INSYN2A: variants seen among roughly 807,000 people sequenced by gnomAD.
INSYN2A encodes the protein inhibitory synaptic factor 2A.
A neutral mutation model predicts 39.4 loss-of-function variants in INSYN2A; 17 were observed. The observed-to-expected ratio is 0.43, with a 90% confidence interval of 0.30 to 0.65. The LOEUF is 0.65. INSYN2A is among the 30% of genes least tolerant of loss of function. The pLI is 0.14. For synonymous variants in INSYN2A, 255 were observed against 265.7 expected, an observed-to-expected ratio of 0.96 and a Z score of 0.39; for missense variants, 595 against 631.2, an observed-to-expected ratio of 0.94 and a Z score of 0.61.
chr10:127,148,759 G>A (rs1369100749), intron 5 of INSYN2A, among the ~76,000 whole-genome samples: 4 of 152,066 alleles, frequency 2.6e-5, no homozygotes, highest in Non-Finnish European at 5.9e-5. Flanking sequence ...AAATAATTAC[G>A]GCATATTTTG....
chr10:127,155,419 A>G (rs2052944992), intron 4 of INSYN2A, among the ~76,000 whole-genome samples: 1 of 152,052 alleles, frequency 6.6e-6, no homozygotes, highest in Non-Finnish European at 1.5e-5. Flanking sequence ...GATTCATCAT[A>G]TTTCAGCCAG....
chr10:127,184,296 C>T (rs1335184527), intron 2 of INSYN2A, among the ~76,000 whole-genome samples: 5 of 151,834 alleles, frequency 3.3e-5, no homozygotes, highest in Non-Finnish European at 7.3e-5. Context: ...GTGCTGCCAA[C>T]GGCTTGCTCA....
rs1194597511 is a variant in INSYN2A, at chr10:127,137,328, A to G, written c.*509T>C. On this transcript the variant is annotated 3_prime_UTR_variant, in exon 6 of 6. Transcript: ENST00000522781. Reference sequence around the variant, plus strand: ...TCATGGTCTCCGACCACTTGAAAAAATTGTGCTTTCTCCGGAATTTGATGT... The same window carrying G: ...TCATGGTCTCCGACCACTTGAAAAAGTTGTGCTTTCTCCGGAATTTGATGT... The G allele has an allele frequency of 3.9e-5, 6 of 153,160 alleles. No individual in the cohort carries two copies. The highest frequency in any genetic ancestry group is 1.4e-4 in the African/African-American group (6 of 41,464). The allele number at this position is 153,160 out of a possible 1,614,324, so 9.5% of individuals were successfully genotyped here.
chr10:127,154,898 G>T (rs11591276), intron 4 of INSYN2A, among the ~76,000 whole-genome samples: 1 of 152,066 alleles, frequency 6.6e-6, no homozygotes, highest in Admixed American at 6.6e-5. Context: ...GTCCAGCCAC[G>T]TAGGAACAGC....
chr10:127,137,449 TA>T lies in INSYN2A; in HGVS notation c.*387del, dbSNP rs902240092. ...AGGCTTGCTTTTTCTTCTCATTATT[TA>T]AAAAAAAAATCAAGGCTTGAAAATA... On this transcript the variant is annotated 3_prime_UTR_variant, in exon 6 of 6. Coordinates refer to ENST00000522781, the MANE Select transcript of INSYN2A (RefSeq NM_001039762.3). The T allele has an allele frequency of 7.2e-4, 115 of 159,970 alleles. No homozygotes were observed. The highest frequency in any genetic ancestry group is 3.0e-3 in the Middle Eastern group (1 of 332). The allele number at this position is 159,970 out of a possible 1,614,324, so 9.9% of individuals were successfully genotyped here.
intron 4 of INSYN2A, among the ~76,000 whole-genome samples, chr10:127,169,350 A>G (rs886571622): frequency 4.6e-5 from 7 of 152,318 alleles, no homozygotes; most frequent in Admixed American, 3.9e-4. Context: ...TGCCTGGCAC[A>G]GTGTCCATCA....
In INSYN2A at chr10:127,178,112, G is replaced by A. The variant is rs2055352696; in HGVS notation, c.-268-973C>T. On this transcript the variant is annotated intron_variant, in intron 2 of 5. Coordinates refer to ENST00000522781, the MANE Select transcript of INSYN2A (RefSeq NM_001039762.3). ...AGGGGGAAGAAGAGACAACTTCACA[G>A]CCACCATCTAAAAGTAAGTGACATG... Among the ~76,000 whole-genome samples, 2 of 152,154 alleles carry A rather than the reference G, an allele frequency of 1.3e-5. 1 individual carries two copies. Among genetic ancestry groups the A allele is most frequent in the South Asian group, 4.1e-4 (2 of 4,824 alleles).
chr10:127,182,612 A>G (rs1465609020), intron 2 of INSYN2A, among the ~76,000 whole-genome samples: 2 of 152,212 alleles, frequency 1.3e-5, no homozygotes, highest in Non-Finnish European at 2.9e-5. Context: ...ACTGGAAAAT[A>G]TGCCTCCTTG....
chr10:127,166,062 CTTATTTAT>C (rs545769676), intron 4 of INSYN2A, among the ~76,000 whole-genome samples: 3 of 152,018 alleles, frequency 2.0e-5, no homozygotes, highest in African/African-American at 7.2e-5. Context: ...CCTGCATTTT[CTTATTTAT>C]TTATTTATTT....
intron 1 of INSYN2A, among the ~76,000 whole-genome samples, chr10:127,195,185 G>A (rs2057021308): frequency 1.3e-5 from 2 of 152,214 alleles, no homozygotes; most frequent in African/African-American, 4.8e-5. Flanking sequence ...GGAGCCCTGA[G>A]CATGAACCAG....
chr10:127,167,503 C>T (rs11817342), intron 4 of INSYN2A, among the ~76,000 whole-genome samples: 22,060 of 151,842 alleles, frequency 0.15, 1,895 homozygotes, highest in African/African-American at 0.23. Flanking sequence ...CAGCGAGGTT[C>T]CCCCCCGCCC....
intron 2 of INSYN2A, among the ~76,000 whole-genome samples, chr10:127,182,092 C>T (rs1156381179): frequency 6.6e-6 from 1 of 152,042 alleles, no homozygotes; most frequent in Non-Finnish European, 1.5e-5. Context: ...ACTATGGCTC[C>T]TTGGAGGAAA....
chr10:127,147,366 C>T (rs1472527304), intron 5 of INSYN2A, among the ~76,000 whole-genome samples: 1 of 152,082 alleles, frequency 6.6e-6, no homozygotes, highest in East Asian at 1.9e-4. Flanking sequence ...AGAGGCCATC[C>T]AAATCCTCCC....
chr10:127,190,664 T>TCCCCCCCCCCCCCCCCCC (rs1491352928), intron 2 of INSYN2A, among the ~76,000 whole-genome samples: 1 of 15,232 alleles, frequency 6.6e-5, no homozygotes, highest in African/African-American at 4.1e-4. Flanking sequence ...AAATCCTATC[T>TCCCCCCCCCCCCCCCCCC]TCCCCCCCCC....
At chr10:127,184,005 C>T (rs1476329386) in intron 2 of INSYN2A, among the ~76,000 whole-genome samples, 6 of 152,136 alleles carry the variant, frequency 3.9e-5, no homozygotes, top group Admixed American at 3.9e-4. Context: ...GAAGGTTTAT[C>T]TCTTTGTGCA....
chr10:127,162,167 C>T (rs779264700), intron 4 of INSYN2A, among the ~76,000 whole-genome samples: 3 of 152,190 alleles, frequency 2.0e-5, no homozygotes, highest in Non-Finnish European at 2.9e-5. Flanking sequence ...CCCATTAGCT[C>T]TCAGTATTCT....
intron 4 of INSYN2A, among the ~76,000 whole-genome samples, chr10:127,161,921 TC>T (rs760109649): frequency 6.6e-5 from 10 of 152,226 alleles, no homozygotes; most frequent in Admixed American, 1.3e-4. Context: ...TGACCCCTGT[TC>T]CAGAGAAACT....
intron 2 of INSYN2A, among the ~76,000 whole-genome samples, chr10:127,191,186 C>G (rs551196016): frequency 6.6e-6 from 1 of 152,108 alleles, no homozygotes; most frequent in Non-Finnish European, 1.5e-5. Flanking sequence ...CGAAGTGAGC[C>G]GGGGCATCAC....
chr10:127,173,447 T>A (rs1476172997), intron 4 of INSYN2A, among the ~76,000 whole-genome samples: 1 of 152,102 alleles, frequency 6.6e-6, no homozygotes, highest in Non-Finnish European at 1.5e-5. Context: ...CTAAGAGGAG[T>A]GTAAGAAGGC....
Sources: allele counts gnomAD v4.1 joint callset (sites outside exome capture counted in the v4.1 genomes callset), GRCh38; gene constraint gnomAD v4.1.1; transcripts MANE v1.5; gene names NCBI Gene and HGNC (gene_info 2026-07-23, HGNC 2026-07-21).